The following PRR16 variants were observed in gnomAD, a reference collection of about 807,000 sequenced individuals.
PRR16 encodes proline rich 16, also known as protein Largen.
A neutral mutation model predicts 18.2 loss-of-function variants in PRR16; 6 were observed. The observed-to-expected ratio is 0.33, with a 90% CI of 0.18 to 0.65. The LOEUF (loss-of-function observed/expected upper bound fraction) is 0.65, where lower values mean the gene tolerates loss of function less well. Ranked by LOEUF, PRR16 falls within the 30% of genes least tolerant of loss-of-function variation. The probability of loss-of-function intolerance (pLI) is 0.74; values close to 1 mark genes in which losing one functional copy is unlikely to be tolerated. For synonymous variants in PRR16, 151 were observed against 147.8 expected (o/e 1.02, Z -0.16); for missense variants, 412 against 376.6 (o/e 1.09, Z -0.78).
chr5:120,680,466 A>G (rs987590779), intron 1 of PRR16, among the ~76,000 whole-genome samples: 1 of 152,100 alleles, frequency 6.6e-6, no homozygotes, highest in Non-Finnish European at 1.5e-5. Context: ...GTTGTTTCCA[A>G]TTTCTTTTTA....
chr5:120,582,534 AAT>A (rs1167555297), intron 1 of PRR16, among the ~76,000 whole-genome samples: 12 of 152,094 alleles, frequency 7.9e-5, no homozygotes, highest in African/African-American at 2.4e-4. Flanking sequence ...AAGCAAAACA[AAT>A]AACAAAAGCA....
chr5:120,491,093 G>A (rs1364717780), intron 1 of PRR16, among the ~76,000 whole-genome samples: 2 of 152,154 alleles, frequency 1.3e-5, no homozygotes, highest in African/African-American at 4.8e-5. Context: ...TAGGCTACTC[G>A]GGGTCAGGGA....
At chr5:120,564,339 C>G (rs947428364) in intron 1 of PRR16, among the ~76,000 whole-genome samples, 1 of 152,050 alleles carries the variant, frequency 6.6e-6, no homozygotes, top group Non-Finnish European at 1.5e-5. Context: ...GAAATCCAGT[C>G]TTTGTGTCCT....
At chr5:120,518,461 C>T (rs1355283211) in intron 1 of PRR16, among the ~76,000 whole-genome samples, 1 of 152,012 alleles carries the variant, frequency 6.6e-6, no homozygotes, top group East Asian at 1.9e-4. Flanking sequence ...GGCATGGAAA[C>T]TGGTACCCAA....
chr5:120,607,653 C>A (rs1319027603), intron 1 of PRR16, among the ~76,000 whole-genome samples: 1 of 151,976 alleles, frequency 6.6e-6, no homozygotes, highest in Non-Finnish European at 1.5e-5. Context: ...CAATTTCCTA[C>A]CAGAGCTTCT....
chr5:120,777,321 CTTA>C, the PRR16 span, among the ~76,000 whole-genome samples: 1 of 151,988 alleles, frequency 6.6e-6, no homozygotes, highest in East Asian at 1.9e-4. Context: ...GTTAAATACG[CTTA>C]TTACTTAACT....
chr5:120,714,234 A>T, the PRR16 span, among the ~76,000 whole-genome samples: 4 of 152,174 alleles, frequency 2.6e-5, no homozygotes, highest in African/African-American at 9.6e-5. Flanking sequence ...ATTAAAATCA[A>T]ATATAATAGA....
At chr5:120,728,524 T>G in the PRR16 span, among the ~76,000 whole-genome samples, 1 of 152,122 alleles carries the variant, frequency 6.6e-6, no homozygotes, top group Non-Finnish European at 1.5e-5. Flanking sequence ...CATACTAAAT[T>G]CCCATATGGT....
At chr5:120,721,756 A>T in the PRR16 span, among the ~76,000 whole-genome samples, 1 of 152,218 alleles carries the variant, frequency 6.6e-6, no homozygotes, top group South Asian at 2.1e-4. Context: ...ATATACTATA[A>T]AGAGGAAGAG....
Position 120,618,589 on chromosome 5 carries a change from A to C in PRR16, c.160-67365A>C, listed in dbSNP as rs1754587795. On this transcript the variant is annotated intron_variant, in intron 1 of 1. Transcript: ENST00000407149. ...AGGTAAGTAAAAAAGAAGTTATAGC[A>C]AATCACATAAAATGGACAAAAAAGG... The C allele has an allele frequency of 1.2e-5, 11 of 908,274 alleles. 1 individual carries two copies. In the South Asian group the frequency reaches 5.6e-4, roughly 46 times the overall value. The allele number at this position is 908,274 out of a possible 1,614,324, so 56.3% of individuals were successfully genotyped here. A position where few individuals can be genotyped will look rare whatever the true frequency, so the allele number is the denominator to read the frequency against.
At chr5:120,690,171 A>C (rs1244546835), downstream of PRR16, among the ~76,000 whole-genome samples, 47 of 152,176 alleles carry the variant, frequency 3.1e-4, no homozygotes, top group Non-Finnish European at 1.0e-4. Flanking sequence ...TTCTGTGGAC[A>C]GATCAGCATG....
chr5:120,557,619 T>C (rs1752456555), intron 1 of PRR16, among the ~76,000 whole-genome samples: 1 of 151,938 alleles, frequency 6.6e-6, no homozygotes, highest in Admixed American at 6.6e-5. Context: ...TTGGTAGTTC[T>C]GGTGGTTCAC....
the PRR16 span, among the ~76,000 whole-genome samples, chr5:120,716,834 T>C: frequency 6.6e-6 from 1 of 152,086 alleles, no homozygotes; most frequent in African/African-American, 2.4e-5. Flanking sequence ...ATTGCATCAC[T>C]GCACTCCAAC....
the PRR16 span, among the ~76,000 whole-genome samples, chr5:120,724,704 C>A: frequency 6.6e-6 from 1 of 151,976 alleles, no homozygotes; most frequent in Non-Finnish European, 1.5e-5. Flanking sequence ...AGATATCTCC[C>A]CTACCTGCAC....
At chr5:120,631,923 A>G (rs1051711565) in intron 1 of PRR16, among the ~76,000 whole-genome samples, 6 of 152,178 alleles carry the variant, frequency 3.9e-5, no homozygotes, top group Non-Finnish European at 7.4e-5. Flanking sequence ...CTGGAGGCCA[A>G]CCAACACAAA....
the PRR16 span, among the ~76,000 whole-genome samples, chr5:120,744,500 C>T: frequency 1.3e-5 from 2 of 152,172 alleles, no homozygotes; most frequent in Non-Finnish European, 2.9e-5. Flanking sequence ...ATCCTCCTAG[C>T]TCTGTGCCTG....
chr5:120,714,996 G>A, the PRR16 span, among the ~76,000 whole-genome samples: 1 of 152,018 alleles, frequency 6.6e-6, no homozygotes, highest in African/African-American at 2.4e-5. Flanking sequence ...TGGTGGTGGG[G>A]GGTGAGGGGA....
At chr5:120,700,804 C>T in the PRR16 span, among the ~76,000 whole-genome samples, 107 of 152,050 alleles carry the variant, frequency 7.0e-4, no homozygotes, top group African/African-American at 2.5e-3. Context: ...CAAAGCTCGG[C>T]GTCGGTGATG....
intron 1 of PRR16, among the ~76,000 whole-genome samples, chr5:120,532,808 CAAAG>C (rs1206459115): frequency 5.3e-5 from 8 of 151,790 alleles, no homozygotes; most frequent in Middle Eastern, 3.4e-3. Context: ...AGAGAAATGA[CAAAG>C]AAGCAAAAAC....
Sources: gnomAD v4.1 joint callset for allele counts (sites outside exome capture counted in the v4.1 genomes callset) on GRCh38, gnomAD v4.1.1 for gene constraint, MANE v1.5 for transcripts, NCBI Gene and HGNC (gene_info 2026-07-23, HGNC 2026-07-21) for gene names.